Variants in PRKCE observed in about 807,000 individuals in gnomAD.
PRKCE encodes protein kinase C epsilon type.
A neutral mutation model predicts 85.4 loss-of-function variants in PRKCE; 16 were observed. The observed-to-expected ratio is 0.19, with a 90% CI of 0.13 to 0.28. The LOEUF (loss-of-function observed/expected upper bound fraction) is 0.28, where lower values mean the gene tolerates loss of function less well. PRKCE is among the 10% of genes least tolerant of loss of function. PRKCE has a pLI of 1.00. For synonymous variants in PRKCE, 388 were observed against 371.5 expected (o/e 1.04, Z -0.51); for missense variants, 573 against 975.2 (o/e 0.59, Z 5.49).
chr2:45,756,435 T>C (rs1684012186), intron 1 of PRKCE, among the ~76,000 whole-genome samples: 1 of 152,170 alleles, frequency 6.6e-6, no homozygotes, highest in Admixed American at 6.5e-5. Flanking sequence ...ATTTTGCAAG[T>C]TTCTTAAAAA....
At position 45,986,618 on chromosome 2, in the gene PRKCE, A is replaced by G. The variant is rs975276254; in HGVS notation, c.823+1938A>G. On this transcript the variant is annotated intron_variant, in intron 6 of 14. Transcript: ENST00000306156. The stretch of plus-strand genomic sequence containing the variant: ...GCAAGGAGATTCCCCTTATTTTCTG[A>G]AAGAGGAAGTCTTTTTTGAAGTAGG... 6.6e-4 allele frequency among the ~76,000 whole-genome samples: 100 copies of G among 152,086 alleles called. 1 individual carries two copies. The highest frequency in any genetic ancestry group is 6.5e-3 in the Admixed American group (99 of 15,276).
intron 1 of PRKCE, among the ~76,000 whole-genome samples, chr2:45,735,923 A>C (rs983492436): frequency 1.3e-5 from 2 of 152,198 alleles, no homozygotes; most frequent in African/African-American, 4.8e-5. Context: ...AAGTCTTCCT[A>C]TATATTGTCC....
At chr2:45,999,703 T>C (rs1704511923) in intron 6 of PRKCE, among the ~76,000 whole-genome samples, 1 of 152,188 alleles carries the variant, frequency 6.6e-6, no homozygotes, top group Non-Finnish European at 1.5e-5. Flanking sequence ...TATTTTTTTC[T>C]GTTCCTTTCT....
chr2:46,060,751 T>G (rs927509005), intron 10 of PRKCE, among the ~76,000 whole-genome samples: 46 of 151,678 alleles, frequency 3.0e-4, no homozygotes, highest in Non-Finnish European at 5.7e-4. Context: ...CTCCTTTTTT[T>G]TTTTTTTGTT....
intron 2 of PRKCE, among the ~76,000 whole-genome samples, chr2:45,855,801 T>G (rs1431686495): frequency 1.3e-5 from 2 of 152,172 alleles, no homozygotes; most frequent in African/African-American, 4.8e-5. Context: ...GGTAGAAAGC[T>G]TCTCACTGCA....
intron 2 of PRKCE, among the ~76,000 whole-genome samples, chr2:45,912,137 A>T (rs1697426054): frequency 6.6e-6 from 1 of 152,032 alleles, no homozygotes; most frequent in Admixed American, 6.5e-5. Context: ...CTGGGGAGAG[A>T]AGAACAATAC....
chr2:45,732,816 C>T (rs965975739), intron 1 of PRKCE, among the ~76,000 whole-genome samples: 9 of 152,248 alleles, frequency 5.9e-5, no homozygotes, highest in East Asian at 3.9e-4. Context: ...AACAAAAAAC[C>T]GACATGAGTG....
At chr2:45,720,439 A>C (rs1400286321) in intron 1 of PRKCE, among the ~76,000 whole-genome samples, 7 of 152,138 alleles carry the variant, frequency 4.6e-5, no homozygotes, top group Admixed American at 4.6e-4. Context: ...TGAGAGGAAC[A>C]ACATGCAGCC....
At chr2:45,913,288 C>T (rs1697511077) in intron 2 of PRKCE, among the ~76,000 whole-genome samples, 1 of 152,222 alleles carries the variant, frequency 6.6e-6, no homozygotes, top group African/African-American at 2.4e-5. Flanking sequence ...GCTGGGACCA[C>T]AGGCGAGCAC....
chr2:46,113,303 C>T (rs756940198), intron 11 of PRKCE, among the ~76,000 whole-genome samples: 11 of 152,308 alleles, frequency 7.2e-5, no homozygotes, highest in Non-Finnish European at 1.5e-4. Flanking sequence ...GTCAGACATC[C>T]ATGTGTTTGA....
At chr2:46,098,030 TAGAGCAAA>T (rs1670873541) in intron 11 of PRKCE, among the ~76,000 whole-genome samples, 1 of 152,194 alleles carries the variant, frequency 6.6e-6, no homozygotes, top group Non-Finnish European at 1.5e-5. Flanking sequence ...ATCAGAGGTT[TAGAGCAAA>T]CAGGAAGTTT....
intron 2 of PRKCE, among the ~76,000 whole-genome samples, chr2:45,904,819 T>G (rs1206459157): frequency 6.6e-6 from 1 of 152,196 alleles, no homozygotes; most frequent in East Asian, 1.9e-4. Flanking sequence ...CAGCCCTGCA[T>G]GGGACATTCT....
At chr2:45,756,112 A>G (rs1182129282) in intron 1 of PRKCE, among the ~76,000 whole-genome samples, 1 of 152,238 alleles carries the variant, frequency 6.6e-6, no homozygotes, top group Non-Finnish European at 1.5e-5. Flanking sequence ...GAGTGGCTAC[A>G]GAATTCTTAA....
In PRKCE at chr2:46,186,736, G is replaced by T. The variant is rs1680476138; in HGVS notation, c.*1855G>T. 2 of 152,616 alleles carry T rather than the reference G, an allele frequency of 1.3e-5. No individual in the cohort carries two copies. The highest frequency in any genetic ancestry group is 2.9e-5 in the Non-Finnish European group (2 of 68,036). The allele number at this position is 152,616 out of a possible 1,614,324, so 9.5% of individuals were successfully genotyped here. ...AGAGAAAGGAATGTTTTTGATGGTG[G>T]TTTCAAAGCTCGGACAGTAACTATC... is the stretch of plus-strand genomic sequence containing the variant. On this transcript the variant is annotated 3_prime_UTR_variant, in exon 15 of 15. Transcript: ENST00000306156.
At chr2:45,721,933 A>G (rs1680658401) in intron 1 of PRKCE, among the ~76,000 whole-genome samples, 1 of 151,638 alleles carries the variant, frequency 6.6e-6, no homozygotes, top group Non-Finnish European at 1.5e-5. Context: ...CTTTCTTATG[A>G]ACTACTGCTT....
Position 46,004,513 on chromosome 2 carries a change from C to A in PRKCE, c.967-29C>A. On this transcript the variant is annotated intron_variant, in intron 7 of 14. Coordinates refer to ENST00000306156, the MANE Select transcript of PRKCE (RefSeq NM_005400.3). The surrounding 1 kb of genome is among the most constrained non-coding windows in gnomAD (Gnocchi z 4.1). ...AAACTCTCAACCCTCCCTTCTGATG[C>A]CTCTGTCCCTGCTTTCTCTCCTCTC... is the stretch of plus-strand genomic sequence containing the variant. 2 of 1,532,644 alleles carry A rather than the reference C, an allele frequency of 1.3e-6. No homozygotes were observed. The highest frequency in any genetic ancestry group is 1.8e-6 in the Non-Finnish European group (2 of 1,136,596). 94.9% of individuals were successfully genotyped at this position (1,532,644 alleles called of 1,614,324 possible).
intron 1 of PRKCE, among the ~76,000 whole-genome samples, chr2:45,655,642 G>A (rs990700658): frequency 1.3e-5 from 2 of 152,018 alleles, no homozygotes; most frequent in Non-Finnish European, 2.9e-5. Flanking sequence ...CCTAGGCAAC[G>A]TAGTAAGACT....
chr2:45,835,597 G>GTT (rs34000335), intron 1 of PRKCE, among the ~76,000 whole-genome samples: 5 of 143,738 alleles, frequency 3.5e-5, no homozygotes, highest in Admixed American at 2.1e-4. Context: ...TAGTATATTT[G>GTT]TTTTTTTTTT....
At chr2:46,117,260 T>A (rs1186269330) in intron 11 of PRKCE, among the ~76,000 whole-genome samples, 1 of 152,228 alleles carries the variant, frequency 6.6e-6, no homozygotes, top group African/African-American at 2.4e-5. Context: ...TTGGGAGACT[T>A]CATTCTCAGG....
Sources: gnomAD v4.1 joint callset for allele counts (sites outside exome capture counted in the v4.1 genomes callset) on GRCh38, gnomAD v4.1.1 for gene constraint, Gnocchi (gnomAD v3.1) non-coding constraint, MANE v1.5 for transcripts, NCBI Gene and HGNC (gene_info 2026-07-23, HGNC 2026-07-21) for gene names.